EPHB1: variants seen among roughly 807,000 people sequenced by gnomAD.
EPHB1 encodes EPH receptor B1.
Under a neutral mutation model 94.4 loss-of-function variants are expected in EPHB1, and 30 were observed. The observed-to-expected ratio is 0.32, with a 90% confidence interval of 0.24 to 0.43. The LOEUF is 0.43. Among genes scored for constraint, EPHB1 ranks in the 20% least tolerant of loss-of-function variants. The pLI, the probability that EPHB1 is intolerant of heterozygous loss-of-function variation, is 1.00. For missense variants in EPHB1, 1,055 were observed against 1,308.3 expected, an observed-to-expected ratio of 0.81 and a Z score of 2.99; for synonymous variants, 522 against 489.1, an observed-to-expected ratio of 1.07 and a Z score of -0.89.
At chr3:135,062,283 G>T (rs1937523794) in intron 3 of EPHB1, among the ~76,000 whole-genome samples, 1 of 152,144 alleles carries the variant, frequency 6.6e-6, no homozygotes, top group South Asian at 2.1e-4. Context: ...TTTCATAGTG[G>T]CTGTACTAGT....
intron 1 of EPHB1, among the ~76,000 whole-genome samples, chr3:134,904,279 C>G (rs549453461): frequency 6.6e-6 from 1 of 152,356 alleles, no homozygotes; most frequent in South Asian, 2.1e-4. Flanking sequence ...GTTTAACTCC[C>G]ACACTAATTT....
intron 3 of EPHB1, among the ~76,000 whole-genome samples, chr3:134,962,482 G>A (rs1380681245): frequency 6.6e-6 from 1 of 152,144 alleles, no homozygotes; most frequent in Non-Finnish European, 1.5e-5. Flanking sequence ...GTCTGTAGAT[G>A]GGACAGGACA....
Position 135,056,600 on chromosome 3 carries a change from G to A in EPHB1, c.806-49848G>A, listed in dbSNP as rs574401495. Among the ~76,000 whole-genome samples, 5 of 152,220 alleles carry A rather than the reference G, an allele frequency of 3.3e-5. No individual in the cohort carries two copies. The South Asian group carries it at 1.0e-3, about 31-fold the overall frequency. ...CTGAGCAAAGGCAGGCCCACAACCA[G>A]GCAAATGTTAGATAGCAACATCAAA... is the stretch of plus-strand genomic sequence containing the variant. On this transcript the variant is annotated intron_variant, in intron 3 of 15. Transcript: ENST00000398015.
At chr3:134,904,029 T>C (rs1181369269) in intron 1 of EPHB1, among the ~76,000 whole-genome samples, 1 of 152,190 alleles carries the variant, frequency 6.6e-6, no homozygotes, top group Non-Finnish European at 1.5e-5. Flanking sequence ...CGGGGGCCTT[T>C]TCAGGAGGGT....
At chr3:134,984,790 TG>T (rs1358880091) in intron 3 of EPHB1, among the ~76,000 whole-genome samples, 2 of 151,410 alleles carry the variant, frequency 1.3e-5, no homozygotes, top group Non-Finnish European at 2.9e-5. Context: ...AGGGGAGTAA[TG>T]GGGGGAAAGC....
At chr3:135,101,169 G>A (rs1429439445) in intron 3 of EPHB1, among the ~76,000 whole-genome samples, 1 of 152,068 alleles carries the variant, frequency 6.6e-6, no homozygotes, top group Admixed American at 6.5e-5. Flanking sequence ...AGGTGTCGGC[G>A]GCTCTTCTCT....
chr3:135,060,306 C>G (rs1012980681), intron 3 of EPHB1, among the ~76,000 whole-genome samples: 1 of 152,142 alleles, frequency 6.6e-6, no homozygotes, highest in African/African-American at 2.4e-5. Context: ...TGGCCTTGTT[C>G]ACTTAGCATA....
chr3:135,098,391 A>T (rs1938889170), intron 3 of EPHB1, among the ~76,000 whole-genome samples: 1 of 152,094 alleles, frequency 6.6e-6, no homozygotes. Flanking sequence ...CTCATACTCT[A>T]TAGTTTTAGA....
intron 13 of EPHB1, among the ~76,000 whole-genome samples, chr3:135,242,871 A>G (rs542724144): frequency 6.6e-6 from 1 of 152,222 alleles, no homozygotes; most frequent in East Asian, 1.9e-4. Flanking sequence ...TGAGACCAGG[A>G]CTTTGAGACC....
intron 12 of EPHB1, among the ~76,000 whole-genome samples, chr3:135,240,803 C>T (rs1943765578): frequency 6.6e-6 from 1 of 152,166 alleles, no homozygotes; most frequent in East Asian, 1.9e-4. Context: ...TAACTTGTTT[C>T]TCATGTAGCC....
chr3:135,252,576 C>T (rs28702622), intron 15 of EPHB1, among the ~76,000 whole-genome samples: 140,761 of 147,674 alleles, frequency 0.95, 67,482 homozygotes, highest in East Asian at 1. Context: ...TAGTATTCCA[C>T]GGTGTATGTG....
chr3:134,929,557 CA>C (rs1283621703), intron 2 of EPHB1, among the ~76,000 whole-genome samples: 3 of 152,120 alleles, frequency 2.0e-5, no homozygotes, highest in Non-Finnish European at 4.4e-5. Context: ...CTGAAGGGGC[CA>C]GGGGCTGAGG....
At chr3:134,838,026 G>T (rs1260205615) in intron 1 of EPHB1, among the ~76,000 whole-genome samples, 1 of 152,180 alleles carries the variant, frequency 6.6e-6, no homozygotes, top group Non-Finnish European at 1.5e-5. Flanking sequence ...GAACAGGAGT[G>T]CTGCCTGGGT....
intron 1 of EPHB1, among the ~76,000 whole-genome samples, chr3:134,883,224 A>G (rs1486139768): frequency 6.6e-6 from 1 of 152,194 alleles, no homozygotes; most frequent in Non-Finnish European, 1.5e-5. Context: ...AAAAGAAACC[A>G]TTGTCTGTTT....
intron 3 of EPHB1, among the ~76,000 whole-genome samples, chr3:135,041,927 C>T (rs60388821): frequency 0.017 from 2,642 of 152,126 alleles, 87 homozygotes; most frequent in African/African-American, 0.061. Flanking sequence ...GGGGATTGAA[C>T]TCCTGCTTTC....
chr3:135,065,700 G>T (rs1459556878), intron 3 of EPHB1, among the ~76,000 whole-genome samples: 1 of 152,180 alleles, frequency 6.6e-6, no homozygotes, highest in Non-Finnish European at 1.5e-5. Context: ...TGTTAGTATT[G>T]AGATGTGAGG....
chr3:134,899,530 C>T (rs148631507), intron 1 of EPHB1, among the ~76,000 whole-genome samples: 2 of 152,340 alleles, frequency 1.3e-5, no homozygotes, highest in East Asian at 3.9e-4. Context: ...CTCATTTCTC[C>T]TTCACTTCCC....
intron 1 of EPHB1, among the ~76,000 whole-genome samples, chr3:134,837,327 A>C (rs993990160): frequency 1.3e-5 from 2 of 152,018 alleles, no homozygotes; most frequent in African/African-American, 4.8e-5. Flanking sequence ...ACAAAAAAAC[A>C]AGTTAATATT....
Position 135,075,796 on chromosome 3 carries a change from C to T in EPHB1, c.806-30652C>T, listed in dbSNP as rs187309946. ...CTGAGTGTGGACAGTGGACAGGCCA[C>T]TCTATGAAGGAGGAGAGATGCTCTT... On this transcript the variant is annotated intron_variant, in intron 3 of 15. Coordinates refer to ENST00000398015, the MANE Select transcript of EPHB1 (RefSeq NM_004441.5). Among the ~76,000 whole-genome samples the T allele has an allele frequency of 1.4e-3, 217 of 152,310 alleles. 2 individuals are homozygous for T. Among genetic ancestry groups the T allele is most frequent in the Admixed American group, 0.013 (202 of 15,304 alleles).
Sources: gnomAD v4.1 joint callset for allele counts (sites outside exome capture counted in the v4.1 genomes callset) on GRCh38, gnomAD v4.1.1 for gene constraint, MANE v1.5 for transcripts, NCBI Gene and HGNC (gene_info 2026-07-23, HGNC 2026-07-21) for gene names.